MGAM: variants seen among roughly 807,000 people sequenced by gnomAD.
MGAM encodes the protein alpha-1,4-glucosidase.
In MGAM, 253 loss-of-function variants were observed where a neutral mutation model predicts 358.8. The ratio of observed to expected loss-of-function variants is 0.71; its 90% CI spans 0.64 to 0.78. The LOEUF is 0.78. MGAM is among the 30% of genes least tolerant of loss of function. The pLI, the probability that MGAM is intolerant of heterozygous loss-of-function variation, is 0.00. For synonymous variants in MGAM, 1,105 were observed against 1,227.1 expected, an observed-to-expected ratio of 0.90 and a Z score of 2.08; for missense variants, 3,080 against 3,432.6, an observed-to-expected ratio of 0.90 and a Z score of 2.57.
chr7:142,095,734 C>T, intron 64 of MGAM, 21 bp downstream of exon 64: 1 of 1,611,010 alleles, frequency 6.2e-7, no homozygotes, highest in South Asian at 1.1e-5. Context: ...AGCAGGGATC[C>T]CAATGCCTAA....
Position 142,100,795 on chromosome 7 carries a change from A to G in MGAM, c.7875-7A>G. 6.2e-7 allele frequency: 1 copy of G among 1,607,982 alleles called. No homozygotes were observed. Among genetic ancestry groups the G allele is most frequent in the Non-Finnish European group, 8.5e-7 (1 of 1,177,130 alleles). On this transcript the variant is annotated splice_region_variant and splice_polypyrimidine_tract_variant and intron_variant, in intron 67 of 70. Coordinates refer to ENST00000475668, the MANE Select transcript of MGAM (RefSeq NM_001365693.1). Reference sequence around the variant, plus strand: ...TTAGCTAATGCCTCTCTGCCTGCTCACTGCAGCCGCCAGAAATTCATGGGC... The same window carrying G: ...TTAGCTAATGCCTCTCTGCCTGCTCGCTGCAGCCGCCAGAAATTCATGGGC...
chr7:142,063,562 C>T lies in MGAM; in HGVS notation c.4321C>T (p.Leu1441=), dbSNP rs780214092. 5 of 1,613,696 alleles carry T rather than the reference C, an allele frequency of 3.1e-6. No homozygotes were observed. In the South Asian group the frequency reaches 4.4e-5, roughly 14 times the overall value. ...AVSPGCRDAS[L]NHPPYMPHLE... ...TTCTCCAGGCTGCAGGGACGCCTCT[C>T]TGAACCACCCTCCCTACATGCCACG... The change falls in exon 36 of 71, where the codon CTG becomes TTG. Residue 1441 remains leucine (L), a synonymous_variant. Transcript: ENST00000475668.
At chr7:142,050,612 G>T in intron 23 of MGAM, 85 bp from the exon 24 acceptor site, 1 of 1,372,744 alleles carries the variant, frequency 7.3e-7, no homozygotes, top group South Asian at 1.3e-5. Flanking sequence ...GGGGGTATCC[G>T]GTCTGGAATG....
rs376590212 is a variant in MGAM, at chr7:142,052,852, G to A, written c.3027G>A (p.Gln1009=). The A allele has an allele frequency of 7.4e-6, 12 of 1,613,760 alleles. No individual in the cohort carries two copies. The African/African-American group carries it at 1.5e-4, about 20-fold the overall frequency. Residue 1009 remains glutamine, a synonymous_variant, in exon 26 of 71, where the codon CAG becomes CAA. Transcript: ENST00000475668. The part of the protein sequence containing the change: ...VNDLYSVSDV[Q]YNSHGATADI... ...ACCTATACTCTGTCAGTGATGTTCA[G>A]TATAATTCCCATGGGGCCACAGCTG... is the stretch of plus-strand genomic sequence containing the variant.
At chr7:142,029,617 A>G (rs1270949505) in intron 10 of MGAM, among the ~76,000 whole-genome samples, 2 of 152,212 alleles carry the variant, frequency 1.3e-5, no homozygotes, top group Admixed American at 1.3e-4. Context: ...ACCTGAGTTC[A>G]GTATACATGT....
At chr7:142,081,947 A>G in intron 50 of MGAM, 95 bp from the exon 51 acceptor site, 1 of 1,245,954 alleles carries the variant, frequency 8.0e-7, no homozygotes, top group Admixed American at 1.8e-5. Flanking sequence ...GCTTCTGGGT[A>G]GGAATCAAGT....
Position 142,064,408 on chromosome 7 carries a change from T to C in MGAM, c.4370T>C (p.Leu1457Pro). 1.2e-6 allele frequency: 2 copies of C among 1,608,604 alleles called. No homozygotes were observed. Among genetic ancestry groups the C allele is most frequent in the Non-Finnish European group, 1.7e-6 (2 of 1,177,630 alleles). ...MPHLESRDRG[L>P]SSKTLCMESQ... is the part of the protein sequence containing the mutation. ...GATTTGGAGTCCAGGGACAGGGGCC[T>C]GAGCAGCAAGACCCTTTGTATGGAG... Residue 1457 changes from leucine (L) to proline (P), a missense_variant, in exon 37 of 71, where the codon CTG becomes CCG. Leu to Pro is a moderately conservative substitution (Grantham distance 98). This residue lies in a region of MGAM where 1,816 missense variants were observed against 1,840.5 expected (regional missense o/e 0.99). Transcript: ENST00000475668.
At chr7:142,013,459 C>CT (rs1300647151) in intron 3 of MGAM, among the ~76,000 whole-genome samples, 134 of 151,856 alleles carry the variant, frequency 8.8e-4, no homozygotes, top group Middle Eastern at 6.8e-3. Context: ...TTTTGATTTT[C>CT]TTTTTTTTTA....
At chr7:142,105,744 C>G (rs1233249629) in intron 70 of MGAM, 70 bp from the exon 71 acceptor site, 7 of 1,156,514 alleles carry the variant, frequency 6.1e-6, no homozygotes, top group Non-Finnish European at 9.1e-6. Context: ...TGGATACTTG[C>G]ACCTGATTTA....
In MGAM at chr7:142,041,958, AATATATATATATT is replaced by A. The variant is rs1390199436; in HGVS notation, c.2498+1124_2498+1136del. 9.6e-3 allele frequency among the ~76,000 whole-genome samples: 192 copies of A among 19,982 alleles called. 13 individuals are homozygous for A. The highest frequency in any genetic ancestry group is 0.028 in the African/African-American group (183 of 6,434). 13.1% of individuals were successfully genotyped at this position (19,982 alleles called of 152,430 possible). On this transcript the variant is annotated intron_variant, in intron 21 of 70. Transcript: ENST00000475668. ...ATATATTATATATATACATATATAT[AATATATATATATT>A]ATATATATATAATATAATATATATA...
intron 13 of MGAM, 40 bp from the exon 14 acceptor site, chr7:142,032,785 T>C (rs1395330849): frequency 8.0e-7 from 1 of 1,249,876 alleles, no homozygotes. Context: ...TAAGATAACA[T>C]GTTACTTTTT....
intron 21 of MGAM, among the ~76,000 whole-genome samples, chr7:142,044,653 T>A (rs1292579624): frequency 1.2e-5 from 1 of 80,558 alleles, no homozygotes; most frequent in African/African-American, 3.9e-5. Flanking sequence ...ATATGATATA[T>A]AATGTATATT....
rs1410312529 is a variant in MGAM, at chr7:142,071,707, T to C, written c.5186+589T>C. On this transcript the variant is annotated intron_variant, in intron 44 of 70. Transcript: ENST00000475668. ...TCATTTTAGGAGGGTCAGGATCCAC[T>C]TTCCACCCTCCTAGAATCTCAACTT... Among the ~76,000 whole-genome samples, 2 of 145,940 alleles carry C rather than the reference T, an allele frequency of 1.4e-5. 1 individual carries two copies. The highest frequency in any genetic ancestry group is 4.0e-4 in the East Asian group (2 of 4,940).
chr7:142,068,037 G>T (rs1812997911), intron 42 of MGAM, among the ~76,000 whole-genome samples: 1 of 102,212 alleles, frequency 9.8e-6, no homozygotes, highest in African/African-American at 3.1e-5. Context: ...GCCCAGGCTG[G>T]AGTGCAGTGG....
At chr7:141,996,211 G>A (rs1385925973) in intron 1 of MGAM, among the ~76,000 whole-genome samples, 6 of 151,326 alleles carry the variant, frequency 4.0e-5, no homozygotes, top group Non-Finnish European at 7.4e-5. Context: ...TAAGGCAGGA[G>A]AATGGCGTGA....
At chr7:142,017,737 C>T (rs1403428001) in intron 3 of MGAM, among the ~76,000 whole-genome samples, 2 of 152,042 alleles carry the variant, frequency 1.3e-5, no homozygotes, top group East Asian at 1.9e-4. Flanking sequence ...ATATGGACAT[C>T]GTTGTTTATC....
At chr7:142,013,768 TC>T (rs1463044857) in intron 3 of MGAM, among the ~76,000 whole-genome samples, 1 of 152,202 alleles carries the variant, frequency 6.6e-6, no homozygotes, top group Non-Finnish European at 1.5e-5. Flanking sequence ...TTAGGTTTTT[TC>T]TGGTTCTTCT....
chr7:141,996,654 T>C (rs1266961475), intron 1 of MGAM, among the ~76,000 whole-genome samples: 4 of 152,228 alleles, frequency 2.6e-5, no homozygotes, highest in Admixed American at 6.5e-5. Flanking sequence ...TTTGGAGTTG[T>C]GATTGAGAAA....
intron 33 of MGAM, 21 bp from the exon 34 acceptor site, chr7:142,060,290 T>C (rs1812009881): frequency 6.2e-7 from 1 of 1,612,714 alleles, no homozygotes; most frequent in African/African-American, 1.3e-5. Flanking sequence ...GCATCGCTAC[T>C]GAACGTATTT....
Sources: allele counts gnomAD v4.1 joint callset (sites outside exome capture counted in the v4.1 genomes callset), GRCh38; gene constraint gnomAD v4.1.1; regional missense constraint gnomAD v4.1.1; transcripts MANE v1.5; gene names NCBI Gene and HGNC (gene_info 2026-07-23, HGNC 2026-07-21).